The following NELL1 variants were observed in gnomAD, a reference collection of about 807,000 sequenced individuals.
NELL1 encodes the protein neural EGFL like 1.
NELL1 carries 76 observed loss-of-function variants against 107.4 expected under a neutral mutation model. The observed-to-expected ratio is 0.71, with a 90% confidence interval of 0.59 to 0.86. NELL1 has a LOEUF of 0.86. Among genes scored for constraint, NELL1 ranks in the 40% least tolerant of loss-of-function variants. NELL1 has a pLI of 0.00. For synonymous variants in NELL1, 353 were observed against 341.2 expected (o/e 1.03, Z -0.38); for missense variants, 1,024 against 1,005.5 (o/e 1.02, Z -0.25).
intron 15 of NELL1, among the ~76,000 whole-genome samples, chr11:21,419,239 A>G (rs574043283): frequency 6.6e-6 from 1 of 152,244 alleles, no homozygotes; most frequent in Admixed American, 6.6e-5. Flanking sequence ...GGTAAAAATT[A>G]GTGAGAGAAG....
chr11:21,232,834 A>G (rs1055320919), intron 14 of NELL1, among the ~76,000 whole-genome samples: 2 of 151,784 alleles, frequency 1.3e-5, no homozygotes, highest in African/African-American at 2.4e-5. Flanking sequence ...TGTATTTTTA[A>G]TAGAGATGGG....
intron 8 of NELL1, among the ~76,000 whole-genome samples, chr11:20,928,035 A>T (rs2134172759): frequency 6.6e-6 from 1 of 152,366 alleles, no homozygotes; most frequent in Admixed American, 6.5e-5. Context: ...TGTCTAGGAA[A>T]ATACAAAACA....
At chr11:21,357,079 A>G (rs774988509) in intron 14 of NELL1, among the ~76,000 whole-genome samples, 1 of 151,946 alleles carries the variant, frequency 6.6e-6, no homozygotes, top group Non-Finnish European at 1.5e-5. Context: ...CTGGTTCCAT[A>G]TTTTTGCAAT....
intron 3 of NELL1, among the ~76,000 whole-genome samples, chr11:20,812,360 TG>T (rs1261571597): frequency 6.6e-6 from 1 of 152,244 alleles, no homozygotes; most frequent in African/African-American, 2.4e-5. Context: ...TGAGAATTTT[TG>T]TGTCTATATT....
intron 12 of NELL1, among the ~76,000 whole-genome samples, chr11:21,102,165 T>G (rs988185558): frequency 7.9e-5 from 12 of 152,214 alleles, no homozygotes; most frequent in African/African-American, 2.9e-4. Flanking sequence ...AGTACAATGT[T>G]TCTTAACCTT....
chr11:20,977,842 C>T (rs895170522), intron 12 of NELL1, among the ~76,000 whole-genome samples: 8 of 152,198 alleles, frequency 5.3e-5, no homozygotes, highest in African/African-American at 1.7e-4. Context: ...ATCAGTACAA[C>T]TTCTATGTTT....
At chr11:21,174,074 C>A (rs544422549) in intron 13 of NELL1, among the ~76,000 whole-genome samples, 28 of 151,870 alleles carry the variant, frequency 1.8e-4, no homozygotes, top group African/African-American at 6.8e-4. Flanking sequence ...GGTTAAGGAA[C>A]ATGTCCAGGG....
chr11:20,775,027 C>T (rs1392913523), intron 2 of NELL1, among the ~76,000 whole-genome samples: 1 of 152,184 alleles, frequency 6.6e-6, no homozygotes, highest in East Asian at 1.9e-4. Flanking sequence ...GTGATTGGTG[C>T]TTATTTTCTT....
At chr11:20,932,410 A>G (rs1850636903) in intron 9 of NELL1, among the ~76,000 whole-genome samples, 1 of 152,210 alleles carries the variant, frequency 6.6e-6, no homozygotes, top group Non-Finnish European at 1.5e-5. Flanking sequence ...ATGATAACAC[A>G]GGATTTATGT....
At chr11:21,362,924 A>G (rs921399554) in intron 14 of NELL1, among the ~76,000 whole-genome samples, 1 of 152,026 alleles carries the variant, frequency 6.6e-6, no homozygotes, top group African/African-American at 2.4e-5. Context: ...GATCTTGGCC[A>G]CCTCTGCTGT....
intron 17 of NELL1, among the ~76,000 whole-genome samples, chr11:21,564,111 G>C (rs1017985874): frequency 6.6e-6 from 1 of 151,890 alleles, no homozygotes; most frequent in African/African-American, 2.4e-5. Flanking sequence ...GGCAGCAAAT[G>C]ATCGTAAGAG....
At chr11:20,756,747 C>A (rs1245986931) in intron 2 of NELL1, among the ~76,000 whole-genome samples, 1 of 151,936 alleles carries the variant, frequency 6.6e-6, no homozygotes, top group African/African-American at 2.4e-5. Context: ...CGGTAGGTTC[C>A]CCCAGATGTG....
intron 3 of NELL1, among the ~76,000 whole-genome samples, chr11:20,826,333 A>G (rs1857883290): frequency 6.6e-6 from 1 of 151,300 alleles, no homozygotes; most frequent in Non-Finnish European, 1.5e-5. Context: ...CTATGCCAGC[A>G]TGAAGGAGAA....
intron 12 of NELL1, among the ~76,000 whole-genome samples, chr11:21,035,377 G>T (rs532146267): frequency 3.4e-4 from 52 of 151,762 alleles, no homozygotes; most frequent in African/African-American, 1.3e-3. Flanking sequence ...ATGCTATGAG[G>T]CCAGCATCAT....
intron 4 of NELL1, among the ~76,000 whole-genome samples, chr11:20,865,726 A>G (rs1189789685): frequency 6.6e-6 from 1 of 152,196 alleles, no homozygotes; most frequent in African/African-American, 2.4e-5. Flanking sequence ...CTTTAATGCC[A>G]GAAAGGGAAG....
chr11:20,982,147 C>A (rs1271161253), intron 12 of NELL1, among the ~76,000 whole-genome samples: 7 of 152,132 alleles, frequency 4.6e-5, no homozygotes, highest in Admixed American at 4.6e-4. Flanking sequence ...TGGCCCCAAA[C>A]AACTCAGGTA....
intron 15 of NELL1, among the ~76,000 whole-genome samples, chr11:21,380,076 T>C (rs1000911217): frequency 2.0e-5 from 3 of 152,094 alleles, no homozygotes; most frequent in African/African-American, 7.2e-5. Flanking sequence ...CATCTTTACA[T>C]CCATAGCAGA....
At chr11:21,190,173 C>T (rs190257754) in intron 13 of NELL1, among the ~76,000 whole-genome samples, 9 of 151,660 alleles carry the variant, frequency 5.9e-5, no homozygotes, top group East Asian at 3.9e-4. Context: ...ACCAACATGG[C>T]GAAATCCTGT....
intron 12 of NELL1, among the ~76,000 whole-genome samples, chr11:21,000,346 A>G (rs1852189506): frequency 6.6e-6 from 1 of 152,138 alleles, no homozygotes; most frequent in Non-Finnish European, 1.5e-5. Flanking sequence ...TTTGTGTATT[A>G]CCTACTTAAG....
Sources: allele counts gnomAD v4.1 joint callset (sites outside exome capture counted in the v4.1 genomes callset), GRCh38; gene constraint gnomAD v4.1.1; transcripts MANE v1.5; gene names NCBI Gene and HGNC (gene_info 2026-07-23, HGNC 2026-07-21).